Variants in ZMAT1 observed in about 807,000 individuals in gnomAD.
The protein encoded by ZMAT1 is zinc finger matrin-type 1.
In ZMAT1, 11 loss-of-function variants were observed where a neutral mutation model predicts 18.5. That is an observed-to-expected ratio of 0.59 (90% confidence interval 0.37 to 0.98). ZMAT1 has a LOEUF of 0.98. Among genes scored for constraint, ZMAT1 ranks in the 50% least tolerant of loss-of-function variants. The pLI is 0.01. For missense variants in ZMAT1, 525 were observed against 496.2 expected (o/e 1.06, Z -0.55); for synonymous variants, 211 against 176.4 (o/e 1.20, Z -1.55).
chrX:101,927,417 A>G (rs1223229446), intron 1 of ZMAT1, among the ~76,000 whole-genome samples: 1 of 112,189 alleles, frequency 8.9e-6, no homozygotes, highest in Non-Finnish European at 1.9e-5. Flanking sequence ...TTTTCAGTTT[A>G]TAAGACTACC....
Position 101,931,989 on chromosome X carries a change from G to C in ZMAT1, c.20C>G (p.Thr7Arg). 4 of 769,373 alleles carry C rather than the reference G, an allele frequency of 5.2e-6. No individual in the cohort carries two copies. Among genetic ancestry groups the C allele is most frequent in the Non-Finnish European group, 6.2e-6 (4 of 649,399 alleles). 63.4% of individuals were successfully genotyped at this position (769,373 alleles called of 1,213,427 possible). A position where few individuals can be genotyped will look rare whatever the true frequency, so the allele number is the denominator to read the frequency against. MAAAPS[T>R]VTPLAAESSP... is the part of the protein sequence containing the mutation. ...AGACTCCGCCGCCAGCGGGGTGACT[G>C]TGCTCGGCGCCGCCGCCATCGCAGC... Residue 7 changes from threonine (T) to arginine (R), a missense_variant, in exon 1 of 6, where the codon ACA (threonine) becomes AGA (arginine). Thr to Arg is a moderately conservative substitution (Grantham distance 71). Coordinates refer to ENST00000651725, the MANE Select transcript of ZMAT1 (RefSeq NM_001394560.1).
At chrX:101,903,221 A>T (rs773388060) in intron 2 of ZMAT1, among the ~76,000 whole-genome samples, 1 of 111,400 alleles carries the variant, frequency 9.0e-6, no homozygotes, top group Non-Finnish European at 1.9e-5. Context: ...CACACATTTG[A>T]TTTCACTTAA....
intron 1 of ZMAT1, chrX:101,918,705 CAGA>C (rs1929526429): frequency 9.0e-6 from 1 of 110,541 alleles, no homozygotes; most frequent in African/African-American, 3.3e-5. Context: ...TAACTTATTA[CAGA>C]AGAACCATTT....
At chrX:101,924,957 T>C (rs1434101891) in intron 1 of ZMAT1, among the ~76,000 whole-genome samples, 1 of 112,203 alleles carries the variant, frequency 8.9e-6, no homozygotes, top group African/African-American at 3.2e-5. Context: ...GCAATGTAAA[T>C]GTAGTTAATG....
At position 101,884,418 on chromosome X, in the gene ZMAT1, G is replaced by T. The variant is rs201873364; in HGVS notation, c.1180C>A (p.His394Asn). 9.1e-6 allele frequency: 11 copies of T among 1,210,467 alleles called. No homozygotes were observed. The highest frequency in any genetic ancestry group is 1.2e-5 in the Non-Finnish European group (11 of 895,088). ...RKMRENSVDT[H>N]GYREMVDSGP... ...GAATCAACCATTTCTCTGTACCCAT[G>T]AGTATCCACAGAGTTCTCTCTCATC... Residue 394 changes from histidine (H) to asparagine (N), a missense_variant, in exon 6 of 6, where the codon CAT becomes AAT. His to Asn is a moderately conservative substitution (Grantham distance 68). Transcript: ENST00000651725.
intron 1 of ZMAT1, among the ~76,000 whole-genome samples, chrX:101,909,519 C>G (rs895263774): frequency 1.1e-4 from 12 of 111,973 alleles, no homozygotes; most frequent in Admixed American, 9.4e-4. Context: ...TGGGACTGCC[C>G]TGGGCCAGAG....
At chrX:101,905,026 G>A (rs1928513604) in intron 1 of ZMAT1, among the ~76,000 whole-genome samples, 1 of 111,937 alleles carries the variant, frequency 8.9e-6, no homozygotes, top group African/African-American at 3.3e-5. Context: ...ACAATCCTAA[G>A]AAATGCTTTG....
At chrX:101,920,283 C>CCTGCTT (rs1556307631) in intron 1 of ZMAT1, among the ~76,000 whole-genome samples, 3 of 111,143 alleles carry the variant, frequency 2.7e-5, no homozygotes, top group African/African-American at 9.8e-5. Context: ...AAATAATCTG[C>CCTGCTT]CTGCCTCTGC....
At chrX:101,896,647 G>A (rs916564370) in intron 4 of ZMAT1, among the ~76,000 whole-genome samples, 1 of 112,367 alleles carries the variant, frequency 8.9e-6, no homozygotes, top group African/African-American at 3.2e-5. Context: ...TGATGTTGGT[G>A]AATTTTCCAT....
chrX:101,891,840 A>T (rs1320131515), intron 4 of ZMAT1, among the ~76,000 whole-genome samples: 1 of 111,411 alleles, frequency 9.0e-6, no homozygotes, highest in Non-Finnish European at 1.9e-5. Flanking sequence ...GGGAATAAGC[A>T]CCAAAGAACG....
Position 101,884,665 on chromosome X carries a change from T to A in ZMAT1, c.933A>T (p.Arg311Ser). Reference protein sequence around the residue: ...KMEESSLETRRYREVVDSRPR... With the variant: ...KMEESSLETRSYREVVDSRPR... ...GTCTGGAATCGACCACTTCTCTGTA[T>A]CTACGGGTTTCCAAAGAACTCTCTT... The change falls in exon 6 of 6, where the codon AGA (arginine) becomes AGT (serine). Residue 311 changes from arginine (R) to serine (S), a missense_variant. Physicochemically the swap from Arg to Ser is moderately radical, Grantham distance 110. Transcript: ENST00000651725. The A allele has an allele frequency of 8.3e-7, 1 of 1,210,193 alleles. No individual in the cohort carries two copies.
chrX:101,892,274 T>G (rs1391892975), intron 4 of ZMAT1, among the ~76,000 whole-genome samples: 6 of 111,036 alleles, frequency 5.4e-5, no homozygotes, highest in Non-Finnish European at 1.1e-4. Flanking sequence ...AAGTAGAAAA[T>G]GTATAGGGTG....
At chrX:101,929,483 AG>A (rs1290735543) in intron 1 of ZMAT1, among the ~76,000 whole-genome samples, 143 of 101,781 alleles carry the variant, frequency 1.4e-3, no homozygotes, top group Middle Eastern at 5.1e-3. Context: ...AGAGAGAGAG[AG>A]AGAGAGAGAC....
At chrX:101,926,660 A>T (rs1368388648) in intron 1 of ZMAT1, among the ~76,000 whole-genome samples, 1 of 112,225 alleles carries the variant, frequency 8.9e-6, no homozygotes, top group East Asian at 2.8e-4. Context: ...TGTTCATTCC[A>T]ATTAAATGTT....
At chrX:101,891,798 G>C (rs1379021401) in intron 4 of ZMAT1, among the ~76,000 whole-genome samples, 1 of 111,614 alleles carries the variant, frequency 9.0e-6, no homozygotes, top group Non-Finnish European at 1.9e-5. Flanking sequence ...AGTAGTTACA[G>C]TGAGGTGGTA....
At chrX:101,909,735 G>A (rs1367459588) in intron 1 of ZMAT1, among the ~76,000 whole-genome samples, 1 of 112,549 alleles carries the variant, frequency 8.9e-6, no homozygotes, top group Non-Finnish European at 1.9e-5. Context: ...TGTGGTTTGA[G>A]TACCAGCTCA....
chrX:101,925,122 A>G (rs1003407220), intron 1 of ZMAT1, among the ~76,000 whole-genome samples: 2 of 112,456 alleles, frequency 1.8e-5, no homozygotes, highest in African/African-American at 6.5e-5. Context: ...GCTCAGAGGA[A>G]ACTGCATGAG....
intron 1 of ZMAT1, among the ~76,000 whole-genome samples, chrX:101,929,489 AG>A (rs1569444127): frequency 0.053 from 4,813 of 91,475 alleles, 177 homozygotes; most frequent in African/African-American, 0.093. Flanking sequence ...AGAGAGAGAG[AG>A]AGACACACAA....
rs1045431572 is a variant in ZMAT1, at chrX:101,931,889, C to T, written c.120G>A (p.Ala40=). 1.3e-6 allele frequency: 1 copy of T among 797,110 alleles called. No homozygotes were observed. Among genetic ancestry groups the T allele is most frequent in the Non-Finnish European group, 1.5e-6 (1 of 670,197 alleles). The allele number at this position is 797,110 out of a possible 1,213,427, so 65.7% of individuals were successfully genotyped here. ...CAGGAACAATTACTGCCGCCGCCGCCGCCGCCGCCGCCGCTGCCGCGCAGG... is the reference window on the plus strand; with the variant it reads ...CAGGAACAATTACTGCCGCCGCCGCTGCCGCCGCCGCCGCTGCCGCGCAGG... The part of the protein sequence containing the change: ...YTACAAAAAA[A]AAAAVIVPAS... Residue 40 remains alanine (A), a synonymous_variant, in exon 1 of 6, where the codon GCG becomes GCA. Coordinates refer to ENST00000651725, the MANE Select transcript of ZMAT1 (RefSeq NM_001394560.1).
Sources: allele counts gnomAD v4.1 joint callset (sites outside exome capture counted in the v4.1 genomes callset), GRCh38; gene constraint gnomAD v4.1.1; transcripts MANE v1.5; gene names NCBI Gene and HGNC (gene_info 2026-07-23, HGNC 2026-07-21).